Variants in UBR3 observed in about 807,000 individuals in gnomAD.
UBR3 encodes the protein ubiquitin protein ligase E3 component n-recognin 3.
In UBR3, 85 loss-of-function variants were observed where a neutral mutation model predicts 243.2. That is an observed-to-expected ratio of 0.35 (90% CI 0.29 to 0.42). UBR3 has a LOEUF of 0.42. Ranked by LOEUF, UBR3 falls within the 10% of genes least tolerant of loss-of-function variation. The probability of loss-of-function intolerance (pLI) is 1.00; values close to 1 mark genes in which losing one functional copy is unlikely to be tolerated. For synonymous variants in UBR3, 748 were observed against 799.8 expected, an observed-to-expected ratio of 0.94 and a Z score of 1.09; for missense variants, 1,686 against 2,300.8, an observed-to-expected ratio of 0.73 and a Z score of 5.47.
intron 30 of UBR3, among the ~76,000 whole-genome samples, chr2:170,027,038 C>G (rs2090547394): frequency 6.6e-6 from 1 of 151,800 alleles, no homozygotes; most frequent in Admixed American, 6.6e-5. Context: ...TTCCCTGAGA[C>G]AGAGAGAGAA....
At chr2:169,890,814 A>G (rs1480852389) in intron 5 of UBR3, among the ~76,000 whole-genome samples, 3 of 149,144 alleles carry the variant, frequency 2.0e-5, no homozygotes, top group Non-Finnish European at 4.5e-5. Context: ...CTTCTCTCCT[A>G]CCTTCCTATA....
rs34356536 is a variant in UBR3 at position 169,957,271 on chromosome 2, A to AT, written c.3546-1155dup. On this transcript the variant is annotated intron_variant, in intron 23 of 38. Transcript: ENST00000272793. ...TGTTATGGTAACACTGTATTGGTGG[A>AT]TTTTTTTTTTTTGGCAACCAGTTGC... 8.5e-3 allele frequency among the ~76,000 whole-genome samples: 1,248 copies of AT among 147,600 alleles called. 13 individuals carry two copies. Among genetic ancestry groups the AT allele is most frequent in the African/African-American group, 0.028 (1,123 of 40,370 alleles).
In UBR3 at chr2:169,876,014, C is replaced by T; in HGVS notation, c.844+65C>T. 4.0e-6 allele frequency: 5 copies of T among 1,236,042 alleles called. No individual in the cohort carries two copies. In the South Asian group the frequency reaches 1.2e-4, roughly 29 times the overall value. The allele number at this position is 1,236,042 out of a possible 1,614,324, so 76.6% of individuals were successfully genotyped here. A position where few individuals can be genotyped will look rare whatever the true frequency, so the allele number is the denominator to read the frequency against. ...TTACTATAATGATAAGAAATTGAGT[C>T]TTTTAGAACTTAAAGGTAAATTGTA... On this transcript the variant is annotated intron_variant, in intron 3 of 38. Coordinates refer to ENST00000272793, the MANE Select transcript of UBR3 (RefSeq NM_172070.4).
chr2:169,856,610 C>T (rs2082875676), intron 1 of UBR3, among the ~76,000 whole-genome samples: 1 of 152,208 alleles, frequency 6.6e-6, no homozygotes, highest in Non-Finnish European at 1.5e-5. Flanking sequence ...GCTGGCAGAT[C>T]ACTCGCAGTC....
chr2:169,843,543 T>G (rs996690969), intron 1 of UBR3, among the ~76,000 whole-genome samples: 1 of 152,232 alleles, frequency 6.6e-6, no homozygotes, highest in Non-Finnish European at 1.5e-5. Context: ...AACCTGAGTT[T>G]TGGAGAGGTA....
At chr2:169,998,853 T>A (rs1376309321) in intron 26 of UBR3, among the ~76,000 whole-genome samples, 2 of 152,140 alleles carry the variant, frequency 1.3e-5, no homozygotes, top group Non-Finnish European at 2.9e-5. Context: ...TCAGACAGAC[T>A]TGGGTTTGAA....
chr2:170,074,126 A>T (rs1316768448), intron 36 of UBR3, among the ~76,000 whole-genome samples: 1 of 152,178 alleles, frequency 6.6e-6, no homozygotes, highest in Non-Finnish European at 1.5e-5. Flanking sequence ...ACAGTTTTTT[A>T]AAATTGAATA....
rs1187524534 is a variant in UBR3, at chr2:170,081,820, G to A, written c.5644G>A (p.Gly1882Ser). The change falls in exon 39 of 39, where the codon GGT (glycine) becomes AGT (serine). Residue 1882 changes from glycine (G) to serine (S), a missense_variant. Coordinates refer to ENST00000272793, the MANE Select transcript of UBR3 (RefSeq NM_172070.4). Reference sequence around the variant, plus strand: ...TTTTGATCACATCAATAAAAGATGGGGTCCACATTACAATGGGCTGTGACT... The same window carrying A: ...TTTTGATCACATCAATAAAAGATGGAGTCCACATTACAATGGGCTGTGACT... Reference protein sequence around the residue: ...HTFDHINKRWGPHYNGL With the variant: ...HTFDHINKRWSPHYNGL 1.9e-6 allele frequency: 3 copies of A among 1,603,718 alleles called. No homozygotes were observed. Among genetic ancestry groups the A allele is most frequent in the Non-Finnish European group, 2.6e-6 (3 of 1,174,426 alleles).
chr2:169,876,565 T>TA (rs2083623359), intron 3 of UBR3, among the ~76,000 whole-genome samples: 1 of 151,528 alleles, frequency 6.6e-6, no homozygotes, highest in Non-Finnish European at 1.5e-5. Context: ...TGTATTGTAT[T>TA]GTATTTTTTT....
At chr2:170,041,621 A>G (rs1052182265) in intron 32 of UBR3, among the ~76,000 whole-genome samples, 7 of 152,332 alleles carry the variant, frequency 4.6e-5, no homozygotes, top group African/African-American at 7.2e-5. Flanking sequence ...CTTTCACTTG[A>G]AGACAACATT....
At chr2:170,053,483 T>C (rs146845470) in intron 32 of UBR3, among the ~76,000 whole-genome samples, 3 of 152,344 alleles carry the variant, frequency 2.0e-5, no homozygotes, top group Non-Finnish European at 4.4e-5. Flanking sequence ...TCACCCAATG[T>C]GCCTTTTTTC....
At chr2:169,859,696 T>TTTTATTTATTTA (rs140176382) in intron 1 of UBR3, among the ~76,000 whole-genome samples, 3 of 148,218 alleles carry the variant, frequency 2.0e-5, no homozygotes, top group African/African-American at 4.9e-5. Context: ...ATTGCTGATA[T>TTTTATTTATTTA]TTTATTTATT....
At chr2:170,010,824 C>T (rs893237824) in intron 29 of UBR3, among the ~76,000 whole-genome samples, 1 of 152,124 alleles carries the variant, frequency 6.6e-6, no homozygotes, top group Non-Finnish European at 1.5e-5. Context: ...TTGCAAAGCT[C>T]TTCCAGTGAG....
intron 1 of UBR3, among the ~76,000 whole-genome samples, chr2:169,868,982 TATA>T: frequency 6.6e-6 from 1 of 152,292 alleles, no homozygotes; most frequent in East Asian, 1.9e-4. Flanking sequence ...AGTTGTCCTG[TATA>T]ATGTCTCACA....
At chr2:169,916,399 C>A (rs2085465799) in intron 11 of UBR3, among the ~76,000 whole-genome samples, 1 of 152,098 alleles carries the variant, frequency 6.6e-6, no homozygotes, top group Non-Finnish European at 1.5e-5. Flanking sequence ...CTTTCCCCTG[C>A]ATGGATGCCC....
chr2:170,022,860 C>G (rs1218472027), intron 30 of UBR3, among the ~76,000 whole-genome samples: 1 of 152,060 alleles, frequency 6.6e-6, no homozygotes, highest in Non-Finnish European at 1.5e-5. Context: ...CCTTCTGTCT[C>G]TTGGGAACCA....
chr2:169,924,001 C>G lies in UBR3; in HGVS notation c.1932+7C>G. 6.5e-7 allele frequency: 1 copy of G among 1,538,318 alleles called. No individual in the cohort carries two copies. Among genetic ancestry groups the G allele is most frequent in the Non-Finnish European group, 8.7e-7 (1 of 1,143,318 alleles). On this transcript the variant is annotated splice_region_variant and intron_variant, in intron 12 of 38. Coordinates refer to ENST00000272793, the MANE Select transcript of UBR3 (RefSeq NM_172070.4). ...TGCTATGTTTTTGAGTAAGGTAAGA[C>G]TGTCATTAAACAATTCTGTTCTTTT...
chr2:169,864,768 A>G (rs1375010382), intron 1 of UBR3, among the ~76,000 whole-genome samples: 2 of 152,060 alleles, frequency 1.3e-5, no homozygotes, highest in African/African-American at 4.8e-5. Flanking sequence ...TTAGCTGGGC[A>G]TGGTGGCGGG....
rs143324500 is a variant in UBR3, at chr2:169,870,509, A to G, written c.546-1727A>G. On this transcript the variant is annotated intron_variant, in intron 1 of 38. Coordinates refer to ENST00000272793, the MANE Select transcript of UBR3 (RefSeq NM_172070.4). Reference sequence around the variant, plus strand: ...TATACTGTGCTTTAAGGTCCAGTTCATTATCATTAACCTTTTTTTTTCAGG... The same window carrying G: ...TATACTGTGCTTTAAGGTCCAGTTCGTTATCATTAACCTTTTTTTTTCAGG... 2.0e-4 allele frequency among the ~76,000 whole-genome samples: 30 copies of G among 152,128 alleles called. No homozygotes were observed. In the East Asian group the frequency reaches 4.8e-3, roughly 24 times the overall value.
Sources: gnomAD v4.1 joint callset for allele counts (sites outside exome capture counted in the v4.1 genomes callset) on GRCh38, gnomAD v4.1.1 for gene constraint, MANE v1.5 for transcripts, NCBI Gene and HGNC (gene_info 2026-07-23, HGNC 2026-07-21) for gene names.